MAP2K1: variants seen among roughly 807,000 people sequenced by gnomAD.
MAP2K1 encodes mitogen-activated protein kinase kinase 1.
Under a neutral mutation model 46.3 loss-of-function variants are expected in MAP2K1, and 16 were observed. That is an observed-to-expected ratio of 0.35 (90% confidence interval 0.23 to 0.52). The LOEUF is 0.52. Among genes scored for constraint, MAP2K1 ranks in the 20% least tolerant of loss-of-function variants. The pLI is 0.94. For missense variants in MAP2K1, 263 were observed against 497.1 expected, an observed-to-expected ratio of 0.53 and a Z score of 4.48; for synonymous variants, 183 against 185.6, an observed-to-expected ratio of 0.99 and a Z score of 0.11.
chr15:66,395,199 T>G (rs1055352056), intron 1 of MAP2K1, among the ~76,000 whole-genome samples: 1 of 152,226 alleles, frequency 6.6e-6, no homozygotes, highest in East Asian at 1.9e-4. Context: ...CTATGCAGTA[T>G]ATGCCTATGA....
chr15:66,463,597 G>A (rs8036971), intron 5 of MAP2K1, among the ~76,000 whole-genome samples: 7,909 of 152,216 alleles, frequency 0.052, 669 homozygotes, highest in African/African-American at 0.18. Flanking sequence ...ATTCTCCTGC[G>A]TCAGCCTCCC....
At position 66,400,565 on chromosome 15, in the gene MAP2K1, C is replaced by T. The variant is rs574958479; in HGVS notation, c.80+13138C>T. ...CCAGAAACTGCCAATTTCGAAAAAT[C>T]GTCCTGGTCTCTTGCTGCAACTTGA... On this transcript the variant is annotated intron_variant, in intron 1 of 10. Transcript: ENST00000307102. 3.3e-5 allele frequency among the ~76,000 whole-genome samples: 5 copies of T among 152,264 alleles called. 1 individual carries two copies. In the East Asian group the frequency reaches 7.7e-4, roughly 23 times the overall value.
At chr15:66,413,873 T>G (rs1474663821) in intron 1 of MAP2K1, among the ~76,000 whole-genome samples, 1 of 151,124 alleles carries the variant, frequency 6.6e-6, no homozygotes, top group Non-Finnish European at 1.5e-5. Flanking sequence ...TTGGGGTTTT[T>G]GGGTCTTCTG....
Position 66,410,989 on chromosome 15 carries a change from A to C in MAP2K1, c.80+23562A>C, listed in dbSNP as rs114015714. Among the ~76,000 whole-genome samples the C allele has an allele frequency of 3.6e-3, 543 of 152,312 alleles. 1 individual carries two copies. The highest frequency in any genetic ancestry group is 0.012 in the African/African-American group (519 of 41,564). ...AGTGGAATGAATGAAAGCCAGTGTT[A>C]GTTTACAGAGCTTCTGTGGGACAGA... On this transcript the variant is annotated intron_variant, in intron 1 of 10. Transcript: ENST00000307102.
chr15:66,400,362 T>A (rs1306610085), intron 1 of MAP2K1, among the ~76,000 whole-genome samples: 1 of 152,174 alleles, frequency 6.6e-6, no homozygotes, highest in Admixed American at 6.5e-5. Flanking sequence ...TTGGAACTTT[T>A]TGCTAGCATT....
Position 66,392,255 on chromosome 15 carries a change from G to GTTTTTTTTTTTTTT in MAP2K1, c.80+4839_80+4852dup, listed in dbSNP as rs58831070. ...ACGAATATTTGTGTGTTTTTTTTGG[G>GTTTTTTTTTTTTTT]TTTTTTTTTTTTTTTTTTTTTTTTA... On this transcript the variant is annotated intron_variant, in intron 1 of 10. Transcript: ENST00000307102. Among the ~76,000 whole-genome samples, 462 of 97,704 alleles carry GTTTTTTTTTTTTTT rather than the reference G, an allele frequency of 4.7e-3. 26 individuals are homozygous for GTTTTTTTTTTTTTT. Among genetic ancestry groups the GTTTTTTTTTTTTTT allele is most frequent in the African/African-American group, 0.02 (445 of 22,002 alleles). The allele number at this position is 97,704 out of a possible 152,430, so 64.1% of individuals were successfully genotyped here. A position where few individuals can be genotyped will look rare whatever the true frequency, so the allele number is the denominator to read the frequency against.
intron 5 of MAP2K1, among the ~76,000 whole-genome samples, chr15:66,459,923 G>A (rs1270607360): frequency 1.3e-5 from 2 of 152,226 alleles, no homozygotes; most frequent in Non-Finnish European, 2.9e-5. Flanking sequence ...GCATCGCTGA[G>A]CAGAAGTCAG....
At chr15:66,488,196 G>C (rs186422652) in intron 8 of MAP2K1, among the ~76,000 whole-genome samples, 1 of 152,174 alleles carries the variant, frequency 6.6e-6, no homozygotes, top group Non-Finnish European at 1.5e-5. Flanking sequence ...GCTGCCTCTG[G>C]AGGCCAAGCT....
intron 5 of MAP2K1, among the ~76,000 whole-genome samples, chr15:66,461,889 T>C (rs1224137043): frequency 1.3e-5 from 2 of 152,214 alleles, no homozygotes; most frequent in South Asian, 2.1e-4. Context: ...AATCTCACCT[T>C]CTTTTAGAGG....
chr15:66,411,095 T>C (rs972408576), intron 1 of MAP2K1, among the ~76,000 whole-genome samples: 3 of 151,966 alleles, frequency 2.0e-5, no homozygotes, highest in Non-Finnish European at 2.9e-5. Context: ...TCTTGAGGTT[T>C]CTTTTTTTTT....
At chr15:66,440,702 A>G (rs2093501392) in intron 3 of MAP2K1, among the ~76,000 whole-genome samples, 1 of 152,258 alleles carries the variant, frequency 6.6e-6, no homozygotes, top group Non-Finnish European at 1.5e-5. Flanking sequence ...TGTCTCTTCC[A>G]TAGAAAACCT....
chr15:66,424,791 C>CTTTTTTTT (rs58738231), intron 1 of MAP2K1, among the ~76,000 whole-genome samples: 6 of 82,158 alleles, frequency 7.3e-5, no homozygotes, highest in South Asian at 5.1e-4. Context: ...CAATCTCAAT[C>CTTTTTTTT]TTTTTTTTTT....
At chr15:66,404,969 GAGT>G (rs1054153106) in intron 1 of MAP2K1, among the ~76,000 whole-genome samples, 7 of 152,228 alleles carry the variant, frequency 4.6e-5, no homozygotes, top group African/African-American at 1.4e-4. Context: ...GCAAGAAAGA[GAGT>G]AGGATAAGTC....
intron 3 of MAP2K1, among the ~76,000 whole-genome samples, chr15:66,437,773 T>C (rs7181197): frequency 0.85 from 128,821 of 152,228 alleles, 55,786 homozygotes; most frequent in East Asian, 1. Context: ...TCCACTGTTA[T>C]AGGCATCTGC....
intron 6 of MAP2K1, among the ~76,000 whole-genome samples, chr15:66,482,328 C>T (rs1892932823): frequency 6.6e-6 from 1 of 152,218 alleles, no homozygotes; most frequent in African/African-American, 2.4e-5. Flanking sequence ...TCTTAACCTG[C>T]CTTCTCAGCA....
intron 5 of MAP2K1, among the ~76,000 whole-genome samples, chr15:66,468,569 T>C (rs34842367): frequency 0.072 from 10,941 of 152,182 alleles, 465 homozygotes; most frequent in Middle Eastern, 0.11. Flanking sequence ...GATCTCTGAG[T>C]TCTGAGTAGA....
chr15:66,463,626 G>A (rs370070591), intron 5 of MAP2K1, among the ~76,000 whole-genome samples: 7 of 152,344 alleles, frequency 4.6e-5, no homozygotes, highest in Admixed American at 2.0e-4. Context: ...GGGATTACAG[G>A]CGCCTGCCAC....
In MAP2K1 at chr15:66,436,523, A is replaced by G. The variant is rs545749529; in HGVS notation, c.292-223A>G. On this transcript the variant is annotated intron_variant, in intron 2 of 10. Coordinates refer to ENST00000307102, the MANE Select transcript of MAP2K1 (RefSeq NM_002755.4). ...CCCTCCCTTAACTTTGTTCCTGTCT[A>G]GGCTCCCAGGAGCCGAGGCACAGCT... 7.9e-5 allele frequency among the ~76,000 whole-genome samples: 12 copies of G among 152,268 alleles called. No homozygotes were observed. In the South Asian group the frequency reaches 2.5e-3, roughly 32 times the overall value.
intron 5 of MAP2K1, among the ~76,000 whole-genome samples, chr15:66,458,152 T>C (rs1892219076): frequency 6.6e-6 from 1 of 152,072 alleles, no homozygotes. Context: ...ACCAAGTAGG[T>C]AGTTGTGCTG....
Sources: gnomAD v4.1 joint callset for allele counts (sites outside exome capture counted in the v4.1 genomes callset) on GRCh38, gnomAD v4.1.1 for gene constraint, MANE v1.5 for transcripts, NCBI Gene and HGNC (gene_info 2026-07-23, HGNC 2026-07-21) for gene names.